Variants in VGLL4 observed in about 807,000 individuals in gnomAD.
VGLL4 encodes the protein transcription cofactor vestigial-like protein 4.
In VGLL4, 7 loss-of-function variants were observed where a neutral mutation model predicts 21.0. The observed-to-expected ratio is 0.33, with a 90% CI of 0.19 to 0.63. The LOEUF (loss-of-function observed/expected upper bound fraction) is 0.63. VGLL4 is among the 20% of genes least tolerant of loss of function. The pLI is 0.78. For synonymous variants in VGLL4, 222 were observed against 173.2 expected (o/e 1.28, Z -2.21); for missense variants, 394 against 425.7 (o/e 0.93, Z 0.66).
intron 2 of VGLL4, among the ~76,000 whole-genome samples, chr3:11,594,337 C>T (rs1405696142): frequency 6.6e-6 from 1 of 152,128 alleles, no homozygotes; most frequent in African/African-American, 2.4e-5. Context: ...CTGATATAGA[C>T]AAAAAGACAG....
At chr3:11,674,444 TC>T (rs1027148286) in intron 2 of VGLL4, among the ~76,000 whole-genome samples, 1 of 152,126 alleles carries the variant, frequency 6.6e-6, no homozygotes, top group Non-Finnish European at 1.5e-5. Context: ...ACAGACAGCA[TC>T]TCATTTAAAT....
intron 2 of VGLL4, 88 bp downstream of exon 2, chr3:11,601,745 A>G (rs1045039116): frequency 1.6e-5 from 23 of 1,401,178 alleles, no homozygotes; most frequent in East Asian, 2.4e-5. Flanking sequence ...TATGCAAATG[A>G]TAACATCAGA....
At position 11,638,357 on chromosome 3, in the gene VGLL4, G is replaced by C. The variant is rs528212335; in HGVS notation, c.82+5080C>G. On this transcript the variant is annotated intron_variant, in intron 1 of 4. Transcript: ENST00000430365. ...AAACAGCCAAGTACAATAATCTTTC[G>C]AGAAGCGGGCTGAGAAACAAGGGTG... is the stretch of plus-strand genomic sequence containing the variant. 1.2e-4 allele frequency among the ~76,000 whole-genome samples: 19 copies of C among 152,206 alleles called. No homozygotes were observed. In the East Asian group the frequency reaches 2.5e-3, roughly 20 times the overall value.
chr3:11,559,376 C>G lies in VGLL4; in HGVS notation c.575G>C (p.Gly192Ala). The G allele has an allele frequency of 6.4e-7, 1 of 1,554,128 alleles. No individual in the cohort carries two copies. Among genetic ancestry groups the G allele is most frequent in the Non-Finnish European group, 8.7e-7 (1 of 1,149,426 alleles). Residue 192 changes from glycine (G) to alanine (A), a missense_variant, in exon 4 of 5, where the codon GGC (glycine) becomes GCC (alanine). Gly to Ala is a moderately conservative substitution (Grantham distance 60, BLOSUM62 0). Transcript: ENST00000430365. ...GCTGGCAGGCCCGGGCGCGGCACAG[C>G]CGCTGTGCGCGATGGGGCAGTGCGA... ...NLSHCPIAHS[G>A]CAAPGPASYR...
intron 2 of VGLL4, among the ~76,000 whole-genome samples, chr3:11,680,290 A>G (rs1045133208): frequency 1.3e-5 from 2 of 152,216 alleles, no homozygotes; most frequent in African/African-American, 4.8e-5. Flanking sequence ...CTGCTATGCA[A>G]AGCCTGACTG....
At chr3:11,560,412 G>A (rs769027407) in intron 3 of VGLL4, among the ~76,000 whole-genome samples, 50 of 152,220 alleles carry the variant, frequency 3.3e-4, no homozygotes, top group Non-Finnish European at 2.9e-5. Context: ...CAAGGAGCTG[G>A]TTGAAATCAC....
chr3:11,684,606 C>A (rs960836627), intron 2 of VGLL4, among the ~76,000 whole-genome samples: 3 of 151,982 alleles, frequency 2.0e-5, no homozygotes, highest in Admixed American at 2.0e-4. Context: ...GGCTCGAACT[C>A]CTGAGCTCAA....
chr3:11,642,195 A>AT (rs917294957), intron 1 of VGLL4, among the ~76,000 whole-genome samples: 34 of 152,338 alleles, frequency 2.2e-4, no homozygotes, highest in Admixed American at 1.4e-3. Context: ...ATTCACGAAA[A>AT]TTCTCATAGC....
upstream of VGLL4, chr3:11,720,749 C>T (rs549007234): frequency 6.6e-6 from 1 of 152,472 alleles, no homozygotes; most frequent in African/African-American, 2.4e-5. Context: ...TGAAATGTGC[C>T]CGGGGAGGGG....
Position 11,643,673 on chromosome 3 carries a change from A to C in VGLL4, c.-155T>G. 5 of 1,441,428 alleles carry C rather than the reference A, an allele frequency of 3.5e-6. No individual in the cohort carries two copies. The highest frequency in any genetic ancestry group is 4.5e-6 in the Non-Finnish European group (5 of 1,104,650). 89.3% of individuals were successfully genotyped at this position (1,441,428 alleles called of 1,614,324 possible). ...CAAAACAAAGTATGCAAAAGTTAAA[A>C]AAAAAAAAATCAGGCACAAAAAAAT... On this transcript the variant is annotated 5_prime_UTR_variant, in exon 1 of 5. Coordinates refer to ENST00000430365, the MANE Select transcript of VGLL4 (RefSeq NM_001128219.3).
At chr3:11,569,750 C>T (rs952049650) in intron 2 of VGLL4, among the ~76,000 whole-genome samples, 3 of 152,166 alleles carry the variant, frequency 2.0e-5, no homozygotes, top group Non-Finnish European at 4.4e-5. Context: ...GGCATGGTGA[C>T]GTGCACCTGT....
At chr3:11,645,357 G>A (rs910769136), upstream of VGLL4, among the ~76,000 whole-genome samples, 4 of 151,246 alleles carry the variant, frequency 2.6e-5, no homozygotes, top group South Asian at 2.1e-4. Flanking sequence ...TTGGGAGGCC[G>A]AGGCGGGTGG....
intron 2 of VGLL4, among the ~76,000 whole-genome samples, chr3:11,696,561 G>A (rs915986073): frequency 2.0e-5 from 3 of 152,188 alleles, no homozygotes; most frequent in East Asian, 3.9e-4. Context: ...TTTATCACAC[G>A]AAGGAGATGT....
chr3:11,636,275 C>T (rs530551425), intron 1 of VGLL4, among the ~76,000 whole-genome samples: 2 of 152,196 alleles, frequency 1.3e-5, no homozygotes, highest in Non-Finnish European at 1.5e-5. Context: ...TGGCAGAGTA[C>T]ATCTGCATCA....
At chr3:11,663,462 C>T (rs780807157) in intron 2 of VGLL4, among the ~76,000 whole-genome samples, 1 of 152,008 alleles carries the variant, frequency 6.6e-6, no homozygotes, top group Non-Finnish European at 1.5e-5. Context: ...CTCACGCCTG[C>T]GATACCAGCA....
chr3:11,700,105 C>T (rs1453274959), intron 2 of VGLL4, among the ~76,000 whole-genome samples: 1 of 152,114 alleles, frequency 6.6e-6, no homozygotes, highest in East Asian at 1.9e-4. Context: ...ATTCATGAGT[C>T]CCATGAAGGC....
intron 2 of VGLL4, among the ~76,000 whole-genome samples, chr3:11,667,605 G>C (rs1055247877): frequency 4.6e-5 from 7 of 152,106 alleles, no homozygotes; most frequent in Non-Finnish European, 2.9e-5. Flanking sequence ...GCTGCCCATA[G>C]AAAGGCCTCA....
At chr3:11,638,311 C>T (rs13315116) in intron 1 of VGLL4, among the ~76,000 whole-genome samples, 5,671 of 152,154 alleles carry the variant, frequency 0.037, 239 homozygotes, top group East Asian at 0.13. Flanking sequence ...CAGAAGGAGC[C>T]AAGTGTAGGC....
intron 1 of VGLL4, among the ~76,000 whole-genome samples, chr3:11,707,955 G>A (rs953885486): frequency 6.6e-6 from 1 of 152,094 alleles, no homozygotes; most frequent in Non-Finnish European, 1.5e-5. Context: ...TAATGTGGGA[G>A]GAAAAACCAT....
Sources: gnomAD v4.1 joint callset for allele counts (sites outside exome capture counted in the v4.1 genomes callset) on GRCh38, gnomAD v4.1.1 for gene constraint, MANE v1.5 for transcripts, NCBI Gene and HGNC (gene_info 2026-07-23, HGNC 2026-07-21) for gene names.